Variants in AFAP1 observed in about 807,000 individuals in gnomAD.
AFAP1 encodes actin filament associated protein 1.
Under a neutral mutation model 93.9 loss-of-function variants are expected in AFAP1, and 75 were observed. The observed-to-expected ratio is 0.80, with a 90% CI of 0.66 to 0.97. The LOEUF (loss-of-function observed/expected upper bound fraction) is 0.97. Among genes scored for constraint, AFAP1 ranks in the 50% least tolerant of loss-of-function variants. The pLI is 0.00. For synonymous variants in AFAP1, 517 were observed against 430.7 expected (o/e 1.20, Z -2.48); for missense variants, 1,201 against 1,050.8 (o/e 1.14, Z -1.98).
rs1426000601 is a variant in AFAP1, at chr4:7,768,710, A to T, written c.2418+134T>A. ...GAGAACTCGATAAGCACCCATTCCC[A>T]GATGTCTACTGAAGGCTGAGTGCCA... On this transcript the variant is annotated intron_variant, in intron 17 of 17. Transcript: ENST00000420658. The T allele has an allele frequency of 3.5e-6, 4 of 1,129,948 alleles. No homozygotes were observed. In the African/African-American group the frequency reaches 4.8e-5, roughly 14 times the overall value. The allele number at this position is 1,129,948 out of a possible 1,614,324, so 70.0% of individuals were successfully genotyped here. A position where few individuals can be genotyped will look rare whatever the true frequency, so the allele number is the denominator to read the frequency against.
intron 6 of AFAP1, among the ~76,000 whole-genome samples, chr4:7,838,186 A>G (rs150850988): frequency 1.1e-3 from 166 of 152,334 alleles, no homozygotes; most frequent in African/African-American, 3.6e-3. Flanking sequence ...ATAAAAATCC[A>G]CAAGATTTCA....
At chr4:7,886,823 G>A (rs1417567115) in intron 1 of AFAP1, among the ~76,000 whole-genome samples, 1 of 152,160 alleles carries the variant, frequency 6.6e-6, no homozygotes, top group Non-Finnish European at 1.5e-5. Context: ...AAACCAGGCT[G>A]GTTGCTAACA....
intron 6 of AFAP1, among the ~76,000 whole-genome samples, chr4:7,830,064 TC>T (rs1721756179): frequency 6.6e-6 from 1 of 151,622 alleles, no homozygotes; most frequent in African/African-American, 2.4e-5. Flanking sequence ...AGTGCTCTAT[TC>T]TCTAAATTGC....
At chr4:7,929,279 A>G (rs1334527756) in intron 1 of AFAP1, among the ~76,000 whole-genome samples, 1 of 152,152 alleles carries the variant, frequency 6.6e-6, no homozygotes, top group Non-Finnish European at 1.5e-5. Context: ...AAACAGGTGG[A>G]CACACAGGCT....
chr4:7,888,693 G>C (rs939803753), intron 1 of AFAP1, among the ~76,000 whole-genome samples: 2 of 152,128 alleles, frequency 1.3e-5, no homozygotes, highest in Non-Finnish European at 2.9e-5. Context: ...TTAAAGGGAA[G>C]GGCCAGCAAA....
intron 1 of AFAP1, among the ~76,000 whole-genome samples, chr4:7,872,926 C>CT (rs1166681967): frequency 0.028 from 3,332 of 119,558 alleles, 64 homozygotes; most frequent in Non-Finnish European, 0.041. Context: ...GTTTTTTTTC[C>CT]TTTTTTTTTT....
At chr4:7,887,929 C>T (rs975883802) in intron 1 of AFAP1, among the ~76,000 whole-genome samples, 5 of 152,026 alleles carry the variant, frequency 3.3e-5, no homozygotes, top group East Asian at 1.9e-4. Context: ...CAGGTTCAAG[C>T]GATACTCCTG....
chr4:7,922,628 A>C (rs1720497907), intron 1 of AFAP1, among the ~76,000 whole-genome samples: 1 of 152,230 alleles, frequency 6.6e-6, no homozygotes, highest in African/African-American at 2.4e-5. Flanking sequence ...AAACTTGCAT[A>C]TCATGCCCAG....
chr4:7,938,192 G>C lies in AFAP1; in HGVS notation c.-3+1464C>G, dbSNP rs905128945. On this transcript the variant is annotated intron_variant, in intron 1 of 17. Transcript: ENST00000420658. ...AGAGTGGGGGTCTGGGGCAGCGGAG[G>C]GCAGAGAAAGCAAAAGGGCCCGCAT... Among the ~76,000 whole-genome samples the C allele has an allele frequency of 1.3e-5, 2 of 151,706 alleles. 1 individual carries two copies. Among genetic ancestry groups the C allele is most frequent in the Non-Finnish European group, 2.9e-5 (2 of 67,810 alleles).
At chr4:7,924,136 T>G (rs1720586976) in intron 1 of AFAP1, among the ~76,000 whole-genome samples, 1 of 152,228 alleles carries the variant, frequency 6.6e-6, no homozygotes, top group Non-Finnish European at 1.5e-5. Flanking sequence ...TTCAATGACA[T>G]TGTGGCAGAA....
At chr4:7,793,548 A>G in intron 11 of AFAP1, 133 bp downstream of exon 11, 1 of 1,065,056 alleles carries the variant, frequency 9.4e-7, no homozygotes, top group Non-Finnish European at 1.2e-6. Flanking sequence ...AATTTGGCTT[A>G]AGATAATGCA....
Position 7,872,054 on chromosome 4 carries a change from G to A in AFAP1, c.25C>T (p.Arg9Cys), listed in dbSNP as rs756331491. The change falls in exon 2 of 18, where the codon CGT becomes TGT. Residue 9 changes from arginine to cysteine, a missense_variant. Coordinates refer to ENST00000420658, the MANE Select transcript of AFAP1 (RefSeq NM_001134647.2). The part of the protein sequence containing the change: MEELIVEL[R>C]LFLELLDHEY... ...TGGTCCAGGAGTTCAAGAAAGAGAC[G>A]AAGTTCAACTATTAACTCTTCCATT... The A allele has an allele frequency of 5.6e-6, 9 of 1,613,994 alleles. No homozygotes were observed. Among genetic ancestry groups the A allele is most frequent in the East Asian group, 4.5e-5 (2 of 44,868 alleles).
At chr4:7,809,224 C>G (rs751822271) in intron 9 of AFAP1, among the ~76,000 whole-genome samples, 2 of 151,668 alleles carry the variant, frequency 1.3e-5, no homozygotes, top group Non-Finnish European at 2.9e-5. Flanking sequence ...CCCCACCCCA[C>G]TTAGTTTTAT....
At chr4:7,767,887 G>A (rs1560143378) in intron 17 of AFAP1, among the ~76,000 whole-genome samples, 2 of 152,092 alleles carry the variant, frequency 1.3e-5, no homozygotes, top group Admixed American at 6.5e-5. Context: ...CAGCCTGGGC[G>A]ATACTGGCCA....
intron 8 of AFAP1, among the ~76,000 whole-genome samples, chr4:7,813,900 GAA>G (rs1056443168): frequency 1.3e-5 from 2 of 152,150 alleles, no homozygotes; most frequent in African/African-American, 4.8e-5. Context: ...ACAGAGACAG[GAA>G]ACACTTGGCT....
intron 6 of AFAP1, among the ~76,000 whole-genome samples, chr4:7,830,241 C>T (rs2149091718): frequency 6.6e-6 from 1 of 152,264 alleles, no homozygotes; most frequent in South Asian, 2.1e-4. Flanking sequence ...AATAGTAACT[C>T]TCCTGCACCG....
intron 8 of AFAP1, among the ~76,000 whole-genome samples, chr4:7,811,755 C>T (rs993965226): frequency 1.3e-5 from 2 of 152,108 alleles, no homozygotes; most frequent in African/African-American, 4.8e-5. Context: ...TGGCGGCACC[C>T]GGGTCTTGGA....
At position 7,857,556 on chromosome 4, in the gene AFAP1, C is replaced by G. The variant is rs535279554; in HGVS notation, c.226-1982G>C. Among the ~76,000 whole-genome samples the G allele has an allele frequency of 2.0e-5, 3 of 152,322 alleles. No individual in the cohort carries two copies. In the East Asian group the frequency reaches 5.8e-4, roughly 29 times the overall value. On this transcript the variant is annotated intron_variant, in intron 3 of 17. Transcript: ENST00000420658. ...GTGTGGCGTTAGGCTGGACCATCTC[C>G]AGGTCCTTCATATCTTCCTACAGAC...
At chr4:7,811,115 G>A (rs571662406) in intron 8 of AFAP1, among the ~76,000 whole-genome samples, 2 of 152,346 alleles carry the variant, frequency 1.3e-5, no homozygotes, top group South Asian at 4.1e-4. Flanking sequence ...GAGCTGAGGG[G>A]AGGCCGGCGA....
Sources: gnomAD v4.1 joint callset for allele counts (sites outside exome capture counted in the v4.1 genomes callset) on GRCh38, gnomAD v4.1.1 for gene constraint, MANE v1.5 for transcripts, NCBI Gene and HGNC (gene_info 2026-07-23, HGNC 2026-07-21) for gene names.